Variants in BCDIN3D observed in about 807,000 individuals in gnomAD.
BCDIN3D encodes the protein BCDIN3 domain containing RNA methyltransferase, also known as RNA 5'-monophosphate methyltransferase.
BCDIN3D carries 15 observed loss-of-function variants against 21.2 expected under a neutral mutation model. The ratio of observed to expected loss-of-function variants is 0.71; its 90% CI spans 0.47 to 1.09. The LOEUF (loss-of-function observed/expected upper bound fraction) is 1.09. BCDIN3D is among the 50% of genes least tolerant of loss of function. BCDIN3D has a pLI of 0.00. For missense variants in BCDIN3D, 331 were observed against 366.2 expected, an observed-to-expected ratio of 0.90 and a Z score of 0.79; for synonymous variants, 127 against 141.9, an observed-to-expected ratio of 0.90 and a Z score of 0.75.
In BCDIN3D at chr12:49,838,595, C is replaced by T. The variant is rs1280430390; in HGVS notation, c.655G>A (p.Asp219Asn). The stretch of plus-strand genomic sequence containing the variant: ...CGGATGGCAAGGGAGTGGAAGTGGT[C>T]AAAATCATGGAGTCCCAGCTTTCGG... Reference protein sequence around the residue: ...RLRKLGLHDFDHFHSLAIRGD... With the variant: ...RLRKLGLHDFNHFHSLAIRGD... Residue 219 changes from aspartate (D) to asparagine (N), a missense_variant, in exon 2 of 2, where the codon GAC becomes AAC. Physicochemically the swap from Asp to Asn is conservative, Grantham distance 23. Transcript: ENST00000333924. 8.1e-6 allele frequency: 13 copies of T among 1,613,824 alleles called. No individual in the cohort carries two copies. The South Asian group carries it at 1.4e-4, about 18-fold the overall frequency.
At position 49,838,722 on chromosome 12, in the gene BCDIN3D, G is replaced by A. The variant is rs375538920; in HGVS notation, c.528C>T (p.Asp176=). Residue 176 remains aspartate (D), a synonymous_variant, in exon 2 of 2, where the codon GAC becomes GAT. Transcript: ENST00000333924. ...ITMWIHLNHG[D]HGLWEFLAHL... ...GGGCCAGGAACTCCCATAGGCCATG[G>A]TCTCCATGATTCAGATGAATCCACA... The A allele has an allele frequency of 1.0e-4, 167 of 1,614,080 alleles. No homozygotes were observed. The highest frequency in any genetic ancestry group is 1.4e-4 in the Non-Finnish European group (165 of 1,180,034).
chr12:49,839,333 G>A (rs1946536087), intron 1 of BCDIN3D: 1 of 292,156 alleles, frequency 3.4e-6, no homozygotes, highest in South Asian at 4.2e-5. Flanking sequence ...TAAGTAATAT[G>A]CTGATAAACT....
Position 49,843,015 on chromosome 12 carries a change from C to T in BCDIN3D, c.73G>A (p.Ala25Thr). Reference protein sequence around the residue: ...TAAEEESRVLAPGAAPFGNFP... With the variant: ...TAAEEESRVLTPGAAPFGNFP... ...TTTCCGAACGGGGCGGCGCCAGGTGCCAGAACTCGCGATTCCTCTTCCGCT... is the reference window on the plus strand; with the variant it reads ...TTTCCGAACGGGGCGGCGCCAGGTGTCAGAACTCGCGATTCCTCTTCCGCT... The change falls in exon 1 of 2, where the codon GCA (alanine) becomes ACA (threonine). Residue 25 changes from alanine (A) to threonine (T), a missense_variant. Physicochemically the swap from Ala to Thr is moderately conservative, Grantham distance 58 (BLOSUM62 0). Coordinates refer to ENST00000333924, the MANE Select transcript of BCDIN3D (RefSeq NM_181708.3). The T allele has an allele frequency of 1.2e-6, 2 of 1,614,246 alleles. No homozygotes were observed. The highest frequency in any genetic ancestry group is 1.3e-5 in the African/African-American group (1 of 75,064).
rs1369308183 is a variant in BCDIN3D at position 49,837,162 on chromosome 12, T to G, written c.*1209A>C. The G allele has an allele frequency of 1.3e-5, 2 of 152,136 alleles. No homozygotes were observed. Among genetic ancestry groups the G allele is most frequent in the Non-Finnish European group, 2.9e-5 (2 of 68,028 alleles). 9.4% of individuals were successfully genotyped at this position (152,136 alleles called of 1,614,324 possible). A position where few individuals can be genotyped will look rare whatever the true frequency, so the allele number is the denominator to read the frequency against. On this transcript the variant is annotated 3_prime_UTR_variant, in exon 2 of 2. Coordinates refer to ENST00000333924, the MANE Select transcript of BCDIN3D (RefSeq NM_181708.3). ...GCTTGCTTTTGAGATCTGTTGATTC[T>G]GATGTACCTAAGAACTAAGGGATAT...
intron 1 of BCDIN3D, among the ~76,000 whole-genome samples, chr12:49,842,059 T>A (rs1049773063): frequency 1.3e-5 from 2 of 152,214 alleles, no homozygotes; most frequent in Non-Finnish European, 2.9e-5. Flanking sequence ...CTCGATCCTC[T>A]CCACTGTACT....
At chr12:49,840,997 A>T (rs539995954) in intron 1 of BCDIN3D, 1 of 151,610 alleles carries the variant, frequency 6.6e-6, no homozygotes, top group African/African-American at 2.4e-5. Flanking sequence ...AATTTTTTTT[A>T]GAGATGGGGT....
intron 1 of BCDIN3D, 36 bp from the exon 2 acceptor site, chr12:49,839,051 C>A: frequency 6.3e-7 from 1 of 1,581,190 alleles, no homozygotes; most frequent in Non-Finnish European, 8.6e-7. Flanking sequence ...CACTGCAGTT[C>A]TCAATCAGTG....
chr12:49,840,356 G>A (rs956660509), intron 1 of BCDIN3D: 3 of 152,096 alleles, frequency 2.0e-5, no homozygotes, highest in African/African-American at 7.2e-5. Flanking sequence ...TCAAAAATGG[G>A]TGAAATTAAA....
chr12:49,838,661 G>C lies in BCDIN3D; in HGVS notation c.589C>G (p.Pro197Ala). The C allele has an allele frequency of 6.2e-7, 1 of 1,613,932 alleles. No individual in the cohort carries two copies. The change falls in exon 2 of 2, where the codon CCC (proline) becomes GCC (alanine). Residue 197 changes from proline to alanine, a missense_variant. Physicochemically the swap from Pro to Ala is conservative, Grantham distance 27. Transcript: ENST00000333924. ...GCCCGGTAACACTTCCAGGGTTGGG[G>C]CTCCACAAGGAGGTAGTGGCAGAGG... ...SSLCHYLLVE[P>A]QPWKCYRAAA...
At position 49,838,997 on chromosome 12, in the gene BCDIN3D, A is replaced by G; in HGVS notation, c.253T>C (p.Tyr85His). 1.2e-6 allele frequency: 2 copies of G among 1,613,520 alleles called. No individual in the cohort carries two copies. Among genetic ancestry groups the G allele is most frequent in the Non-Finnish European group, 1.7e-6 (2 of 1,179,860 alleles). The change falls in exon 2 of 2, where the codon TAC (tyrosine) becomes CAC (histidine). Residue 85 changes from tyrosine to histidine, a missense_variant. By Grantham distance (83) the Tyr-to-His change is moderately conservative. Transcript: ENST00000333924. ...CNSGDLSVAL[Y>H]KHFLSLPDGE... ...TCAGGTAGGGAGAGGAAGTGTTTGT[A>G]TAGAGCCACACTCAGATCCTAGAGG... is the stretch of plus-strand genomic sequence containing the variant.
In BCDIN3D at chr12:49,843,030, C is replaced by T. The variant is rs555840311; in HGVS notation, c.58G>A (p.Glu20Lys). ...GCGCCAGGTGCCAGAACTCGCGATT[C>T]CTCTTCCGCTGCGGTCTCCTTAACA... ...GSVKETAAEE[E>K]SRVLAPGAAP... Residue 20 changes from glutamate (E) to lysine (K), a missense_variant, in exon 1 of 2, where the codon GAA becomes AAA. Coordinates refer to ENST00000333924, the MANE Select transcript of BCDIN3D (RefSeq NM_181708.3). The T allele has an allele frequency of 2.2e-5, 36 of 1,614,222 alleles. 1 individual carries two copies. The South Asian group carries it at 4.0e-4, about 18-fold the overall frequency.
chr12:49,840,344 G>A (rs1035230010), intron 1 of BCDIN3D: 2 of 152,148 alleles, frequency 1.3e-5, no homozygotes, highest in African/African-American at 4.8e-5. Context: ...TTTACATGAA[G>A]CTCAAAAATG....
At chr12:49,840,219 A>T (rs770823876) in intron 1 of BCDIN3D, 13 of 152,226 alleles carry the variant, frequency 8.5e-5, no homozygotes, top group Non-Finnish European at 1.5e-4. Context: ...AGAATACTAA[A>T]TAGCAGTTAA....
At position 49,836,968 on chromosome 12, in the gene BCDIN3D, C is replaced by G. The variant is rs77633946; in HGVS notation, c.*1403G>C. ...AATATAGGAACCTCCCACCAGGCAC[C>G]GGACACATGTATGGAATGAAACTTA... On this transcript the variant is annotated 3_prime_UTR_variant, in exon 2 of 2. Coordinates refer to ENST00000333924, the MANE Select transcript of BCDIN3D (RefSeq NM_181708.3). 2 of 152,256 alleles carry G rather than the reference C, an allele frequency of 1.3e-5. No individual in the cohort carries two copies. Among genetic ancestry groups the G allele is most frequent in the Non-Finnish European group, 2.9e-5 (2 of 68,038 alleles). The allele number at this position is 152,256 out of a possible 1,614,324, so 9.4% of individuals were successfully genotyped here.
In BCDIN3D at chr12:49,838,754, T is replaced by C; in HGVS notation, c.496A>G (p.Ile166Val). 2 of 1,614,234 alleles carry C rather than the reference T, an allele frequency of 1.2e-6. No individual in the cohort carries two copies. Among genetic ancestry groups the C allele is most frequent in the Non-Finnish European group, 1.7e-6 (2 of 1,180,048 alleles). Residue 166 changes from isoleucine (I) to valine (V), a missense_variant, in exon 2 of 2, where the codon ATA becomes GTA. Ile to Val is a conservative substitution (Grantham distance 29). Coordinates refer to ENST00000333924, the MANE Select transcript of BCDIN3D (RefSeq NM_181708.3). ...SVFDIGFCMS[I>V]TMWIHLNHGD... ...TGATTCAGATGAATCCACATGGTTA[T>C]TGACATGCAGAAGCCAATGTCAAAA...
rs4898510 is a variant in BCDIN3D at position 49,838,908 on chromosome 12, G to A, written c.342C>T (p.Val114=). The A allele has an allele frequency of 0.05, 80,693 of 1,614,146 alleles. 2,387 individuals are homozygous for A. The highest frequency in any genetic ancestry group is 0.061 in the Non-Finnish European group (72,226 of 1,180,010). The change falls in exon 2 of 2, where the codon GTC becomes GTT. Residue 114 remains valine, a synonymous_variant. Transcript: ENST00000333924. Reference sequence around the variant, plus strand: ...ATTCTTTTTCGGCTCGCTTCACCAGGACTGGATCTATGTCGCAGCAGAGGA... The same window carrying A: ...ATTCTTTTTCGGCTCGCTTCACCAGAACTGGATCTATGTCGCAGCAGAGGA... The part of the protein sequence containing the change: ...FRLLCCDIDP[V]LVKRAEKECP...
At chr12:49,842,385 C>CT (rs148395038) in intron 1 of BCDIN3D, 15,565 of 153,354 alleles carry the variant, frequency 0.1, 994 homozygotes, top group African/African-American at 0.17. Context: ...GGCCTACTCA[C>CT]TTTTTTTGAA....
rs746816725 is a variant in BCDIN3D, at chr12:49,843,084, C to A, written c.4G>T (p.Ala2Ser). 4 of 1,612,654 alleles carry A rather than the reference C, an allele frequency of 2.5e-6. No homozygotes were observed. In the African/African-American group the frequency reaches 5.3e-5, roughly 22 times the overall value. Residue 2 changes from alanine (A) to serine (S), a missense_variant, in exon 1 of 2, where the codon GCG becomes TCG. By Grantham distance (99) the Ala-to-Ser change is moderately conservative (BLOSUM62 1). Coordinates refer to ENST00000333924, the MANE Select transcript of BCDIN3D (RefSeq NM_181708.3). ...CCTCCATCCAGTTCCGTGGGCACCG[C>A]CATTAGCCTCAACACAGCCTCTGGG... The part of the protein sequence containing the change: M[A>S]VPTELDGGSV...
In BCDIN3D at chr12:49,838,945, CTT is replaced by C. The variant is rs1251070576; in HGVS notation, c.303_304del (p.Glu103IlefsTer24). ...GTCGCAGCAGAGGAGACGGAATTCT[CTT>C]GAGGCATCTGAGCAGGTTTCCCCGT... is the stretch of plus-strand genomic sequence containing the variant. On this transcript the variant is annotated frameshift_variant, in exon 2 of 2. Transcript: ENST00000333924. LOFTEE classifies it high-confidence loss of function. 10 of 1,614,156 alleles carry C rather than the reference CTT, an allele frequency of 6.2e-6. No homozygotes were observed. Among genetic ancestry groups the C allele is most frequent in the Non-Finnish European group, 8.5e-6 (10 of 1,180,034 alleles).
Sources: gnomAD v4.1 joint callset for allele counts (sites outside exome capture counted in the v4.1 genomes callset) on GRCh38, gnomAD v4.1.1 for gene constraint, MANE v1.5 for transcripts, NCBI Gene and HGNC (gene_info 2026-07-23, HGNC 2026-07-21) for gene names.